Variants in CDKAL1 observed in about 807,000 individuals in gnomAD.
CDKAL1 encodes the protein CDKAL1 threonylcarbamoyladenosine tRNA methylthiotransferase.
Under a neutral mutation model 68.2 loss-of-function variants are expected in CDKAL1, and 32 were observed. The ratio of observed to expected loss-of-function variants is 0.47; its 90% CI spans 0.35 to 0.63. CDKAL1 has a LOEUF of 0.63. Among genes scored for constraint, CDKAL1 ranks in the 30% least tolerant of loss-of-function variants. The pLI, the probability that CDKAL1 is intolerant of heterozygous loss-of-function variation, is 0.00. For missense variants in CDKAL1, 606 were observed against 696.7 expected, an observed-to-expected ratio of 0.87 and a Z score of 1.47; for synonymous variants, 234 against 244.3, an observed-to-expected ratio of 0.96 and a Z score of 0.39.
At chr6:21,099,277 T>C (rs1773466903) in intron 12 of CDKAL1, among the ~76,000 whole-genome samples, 1 of 152,218 alleles carries the variant, frequency 6.6e-6, no homozygotes, top group South Asian at 2.1e-4. Context: ...ACATTTTCTA[T>C]TGCAGCCATT....
intron 5 of CDKAL1, among the ~76,000 whole-genome samples, chr6:20,678,517 A>T (rs1222752778): frequency 6.6e-6 from 1 of 152,192 alleles, no homozygotes; most frequent in Non-Finnish European, 1.5e-5. Flanking sequence ...GTAAGGCTTC[A>T]CTTAATGTCC....
At chr6:20,599,330 C>A in intron 4 of CDKAL1, 1 of 451,134 alleles carries the variant, frequency 2.2e-6, no homozygotes, top group Non-Finnish European at 4.5e-6. Flanking sequence ...TATTGTTATA[C>A]TTGGAAATAA....
intron 9 of CDKAL1, among the ~76,000 whole-genome samples, chr6:20,914,661 C>T (rs1369536136): frequency 6.6e-6 from 1 of 152,174 alleles, no homozygotes; most frequent in African/African-American, 2.4e-5. Context: ...TTGGATATTT[C>T]TGTACTGTCT....
At chr6:20,697,897 C>G (rs188318822) in intron 5 of CDKAL1, among the ~76,000 whole-genome samples, 35 of 152,234 alleles carry the variant, frequency 2.3e-4, no homozygotes, top group African/African-American at 8.2e-4. Flanking sequence ...GTCTTTTTGA[C>G]TGAAGTAATT....
At chr6:20,583,815 C>T (rs1282158966) in intron 4 of CDKAL1, among the ~76,000 whole-genome samples, 1 of 144,444 alleles carries the variant, frequency 6.9e-6, no homozygotes, top group Non-Finnish European at 1.5e-5. Flanking sequence ...TCTGCTCTTG[C>T]AGAGAATCAC....
intron 13 of CDKAL1, among the ~76,000 whole-genome samples, chr6:21,191,459 CTATT>C: frequency 6.6e-6 from 1 of 152,290 alleles, no homozygotes; most frequent in African/African-American, 2.4e-5. Context: ...AAAAACATTG[CTATT>C]TGTTTGTCAC....
In CDKAL1 at chr6:21,106,570, T is replaced by C. The variant is rs573719547; in HGVS notation, c.1237-1831T>C. On this transcript the variant is annotated intron_variant, in intron 12 of 15. Coordinates refer to ENST00000274695, the MANE Select transcript of CDKAL1 (RefSeq NM_017774.3). ...CAGCCTGGGCCACAGGGTGAGATCC[T>C]GTCCCTAAGTAATAATAACAAGAGT... Among the ~76,000 whole-genome samples, 267 of 152,326 alleles carry C rather than the reference T, an allele frequency of 1.8e-3. 2 individuals carry two copies. Among genetic ancestry groups the C allele is most frequent in the Middle Eastern group, 6.8e-3 (2 of 294 alleles).
intron 11 of CDKAL1, among the ~76,000 whole-genome samples, chr6:21,021,930 G>A (rs1019703209): frequency 1.3e-5 from 2 of 152,170 alleles, no homozygotes; most frequent in African/African-American, 4.8e-5. Context: ...GTTGTTGGTT[G>A]ATAATGCGTG....
intron 12 of CDKAL1, among the ~76,000 whole-genome samples, chr6:21,083,457 G>A (rs1426786420): frequency 6.6e-6 from 1 of 152,148 alleles, no homozygotes; most frequent in Non-Finnish European, 1.5e-5. Context: ...AAAGACAGAT[G>A]TAGATGTAGT....
At chr6:21,090,388 C>T (rs920077688) in intron 12 of CDKAL1, among the ~76,000 whole-genome samples, 2 of 152,214 alleles carry the variant, frequency 1.3e-5, no homozygotes, top group Admixed American at 1.3e-4. Flanking sequence ...AGCACAACTT[C>T]AACACATTTG....
intron 13 of CDKAL1, among the ~76,000 whole-genome samples, chr6:21,113,957 A>G (rs1383752965): frequency 6.6e-6 from 1 of 151,420 alleles, no homozygotes; most frequent in African/African-American, 2.4e-5. Flanking sequence ...AAAAGAAAAA[A>G]AAAAGCTCCG....
chr6:20,737,134 G>A (rs1481653697), intron 5 of CDKAL1, among the ~76,000 whole-genome samples: 2 of 152,038 alleles, frequency 1.3e-5, no homozygotes, highest in African/African-American at 4.8e-5. Flanking sequence ...TCTAACAACT[G>A]CCCTGAGCTT....
chr6:21,212,806 CT>C (rs1312277767), intron 15 of CDKAL1, among the ~76,000 whole-genome samples: 1 of 152,070 alleles, frequency 6.6e-6, no homozygotes, highest in African/African-American at 2.4e-5. Flanking sequence ...AACAAATTTT[CT>C]CCTGTCCCTC....
chr6:20,649,593 A>G (rs1768653930), intron 5 of CDKAL1, among the ~76,000 whole-genome samples: 2 of 152,270 alleles, frequency 1.3e-5, no homozygotes, highest in South Asian at 4.1e-4. Context: ...GTTCTGGGGT[A>G]CATGTACAGG....
At chr6:20,828,682 G>A (rs982169482) in intron 8 of CDKAL1, among the ~76,000 whole-genome samples, 3 of 152,114 alleles carry the variant, frequency 2.0e-5, no homozygotes, top group Non-Finnish European at 4.4e-5. Flanking sequence ...CCAGTCTGTC[G>A]TTCTTGTGGT....
At chr6:20,825,436 T>C (rs1172452505) in intron 8 of CDKAL1, among the ~76,000 whole-genome samples, 1 of 152,116 alleles carries the variant, frequency 6.6e-6, no homozygotes, top group Non-Finnish European at 1.5e-5. Flanking sequence ...TCAGTTCTGC[T>C]CAGAATGTGG....
At chr6:21,055,550 G>T (rs185314798) in intron 11 of CDKAL1, among the ~76,000 whole-genome samples, 109 of 152,166 alleles carry the variant, frequency 7.2e-4, no homozygotes, top group African/African-American at 2.4e-3. Context: ...ACAGGCTCCA[G>T]TGTGTGTTCC....
intron 9 of CDKAL1, among the ~76,000 whole-genome samples, chr6:20,847,852 G>A (rs1778432756): frequency 6.6e-6 from 1 of 152,188 alleles, no homozygotes. Context: ...AAAGAATTAA[G>A]CAACAAAAGC....
intron 9 of CDKAL1, among the ~76,000 whole-genome samples, chr6:20,941,220 T>G (rs1025059726): frequency 2.6e-5 from 4 of 152,248 alleles, no homozygotes; most frequent in Non-Finnish European, 5.9e-5. Context: ...TCATGTTATT[T>G]ACACATTGTT....
Sources: allele counts gnomAD v4.1 joint callset (sites outside exome capture counted in the v4.1 genomes callset), GRCh38; gene constraint gnomAD v4.1.1; transcripts MANE v1.5; gene names NCBI Gene and HGNC (gene_info 2026-07-23, HGNC 2026-07-21).